ADAMTS19: variants seen among roughly 807,000 people sequenced by gnomAD.
The protein encoded by ADAMTS19 is A disintegrin and metalloproteinase with thrombospondin motifs 19.
ADAMTS19 carries 93 observed loss-of-function variants against 153.3 expected under a neutral mutation model. The ratio of observed to expected loss-of-function variants is 0.61; its 90% CI spans 0.51 to 0.72. The LOEUF is 0.72. ADAMTS19 is among the 30% of genes least tolerant of loss of function. The pLI, the probability that ADAMTS19 is intolerant of heterozygous loss-of-function variation, is 0.00. For synonymous variants in ADAMTS19, 600 were observed against 556.6 expected (o/e 1.08, Z -1.10); for missense variants, 1,482 against 1,552.1 (o/e 0.95, Z 0.76).
intron 8 of ADAMTS19, among the ~76,000 whole-genome samples, chr5:129,611,323 T>C (rs1751203727): frequency 6.6e-6 from 1 of 152,226 alleles, no homozygotes; most frequent in South Asian, 2.1e-4. Flanking sequence ...TTGGCTTTTG[T>C]TACCATTGCT....
intron 2 of ADAMTS19, among the ~76,000 whole-genome samples, chr5:129,475,451 A>G (rs1426896304): frequency 6.6e-6 from 1 of 152,220 alleles, no homozygotes; most frequent in African/African-American, 2.4e-5. Flanking sequence ...CTTCGTGTCA[A>G]TACCATACTG....
chr5:129,517,198 G>A (rs1169195482), intron 3 of ADAMTS19, among the ~76,000 whole-genome samples: 1 of 151,818 alleles, frequency 6.6e-6, no homozygotes, highest in African/African-American at 2.4e-5. Context: ...GTTTTATGAT[G>A]TAGCATATGG....
At chr5:129,656,553 G>A (rs567835202) in intron 14 of ADAMTS19, among the ~76,000 whole-genome samples, 3 of 152,270 alleles carry the variant, frequency 2.0e-5, no homozygotes, top group East Asian at 1.9e-4. Flanking sequence ...TGTTATTTGC[G>A]TATCTCCCGC....
At chr5:129,570,508 G>A (rs1308453671) in intron 7 of ADAMTS19, among the ~76,000 whole-genome samples, 1 of 151,472 alleles carries the variant, frequency 6.6e-6, no homozygotes, top group African/African-American at 2.4e-5. Context: ...AGTTAAAGAA[G>A]TTTCATTGGT....
intron 7 of ADAMTS19, among the ~76,000 whole-genome samples, chr5:129,575,080 AT>A (rs1053635211): frequency 7.9e-5 from 12 of 152,032 alleles, no homozygotes; most frequent in Admixed American, 6.6e-4. Context: ...AATTATAACT[AT>A]TTTCTTTATA....
intron 20 of ADAMTS19, among the ~76,000 whole-genome samples, chr5:129,702,942 ATATATATATATATATATATATATATATAT>A (rs1755970407): frequency 5.0e-5 from 1 of 19,844 alleles, no homozygotes; most frequent in African/African-American, 1.0e-4. Context: ...AAAAAAAAAA[ATATATATATATATATATATATATATATAT>A]ACAAATACAT....
chr5:129,718,764 C>A (rs770656392), intron 21 of ADAMTS19, among the ~76,000 whole-genome samples: 3 of 152,120 alleles, frequency 2.0e-5, no homozygotes, highest in Non-Finnish European at 4.4e-5. Flanking sequence ...ATGCTGTTAA[C>A]CTTGTTACAG....
At chr5:129,660,000 T>C (rs1169905636) in intron 15 of ADAMTS19, among the ~76,000 whole-genome samples, 2 of 152,208 alleles carry the variant, frequency 1.3e-5, no homozygotes, top group Non-Finnish European at 2.9e-5. Context: ...ATGAATTAAT[T>C]TTAATACAAA....
intron 21 of ADAMTS19, among the ~76,000 whole-genome samples, chr5:129,725,937 A>C (rs1314769489): frequency 6.6e-6 from 1 of 152,124 alleles, no homozygotes; most frequent in Non-Finnish European, 1.5e-5. Flanking sequence ...GGTAGATTTA[A>C]TTGATGAATA....
Position 129,720,800 on chromosome 5 carries a change from G to A in ADAMTS19, c.3313-14132G>A, listed in dbSNP as rs186618341. On this transcript the variant is annotated intron_variant, in intron 21 of 22. Coordinates refer to ENST00000274487, the MANE Select transcript of ADAMTS19 (RefSeq NM_133638.6). ...GAATAGCCCATTTATAAAGTGTTTA[G>A]TGAAATGAAGTTGTTCAGAAGTGCC... is the stretch of plus-strand genomic sequence containing the variant. 2.2e-3 allele frequency among the ~76,000 whole-genome samples: 332 copies of A among 152,268 alleles called. 3 individuals carry two copies. The highest frequency in any genetic ancestry group is 7.7e-3 in the African/African-American group (320 of 41,556).
intron 11 of ADAMTS19, among the ~76,000 whole-genome samples, chr5:129,646,567 T>C (rs1385530942): frequency 6.6e-6 from 1 of 152,202 alleles, no homozygotes; most frequent in African/African-American, 2.4e-5. Context: ...ATGATACTTA[T>C]AACTCTATTA....
intron 2 of ADAMTS19, among the ~76,000 whole-genome samples, chr5:129,479,256 G>A (rs1750331169): frequency 1.3e-5 from 2 of 152,080 alleles, no homozygotes; most frequent in African/African-American, 4.8e-5. Flanking sequence ...CCAAGATATG[G>A]GGTAGAAATT....
chr5:129,528,984 A>G (rs927994666), intron 6 of ADAMTS19, among the ~76,000 whole-genome samples: 1 of 152,056 alleles, frequency 6.6e-6, no homozygotes, highest in African/African-American at 2.4e-5. Context: ...GTAAGTTCCA[A>G]ATTATGAACG....
chr5:129,686,323 G>A (rs1561649157), intron 18 of ADAMTS19, among the ~76,000 whole-genome samples: 1 of 152,058 alleles, frequency 6.6e-6, no homozygotes. Flanking sequence ...ATAAAGATAT[G>A]GGGGCTGGAA....
At chr5:129,627,801 G>A (rs1348783034) in intron 10 of ADAMTS19, among the ~76,000 whole-genome samples, 2 of 152,050 alleles carry the variant, frequency 1.3e-5, no homozygotes, top group Admixed American at 1.3e-4. Flanking sequence ...ACAGATGCTG[G>A]TGAGGTTGCA....
At chr5:129,644,935 G>A (rs1400945133) in intron 11 of ADAMTS19, among the ~76,000 whole-genome samples, 3 of 152,130 alleles carry the variant, frequency 2.0e-5, no homozygotes, top group African/African-American at 7.2e-5. Flanking sequence ...CAGTCACAAT[G>A]TGCATATGTA....
At chr5:129,585,207 T>A (rs897485267) in intron 7 of ADAMTS19, among the ~76,000 whole-genome samples, 1 of 151,466 alleles carries the variant, frequency 6.6e-6, no homozygotes, top group African/African-American at 2.4e-5. Context: ...CCGCTTCTGC[T>A]TGCCCTCCGT....
At chr5:129,623,447 T>C (rs1006282729) in intron 10 of ADAMTS19, among the ~76,000 whole-genome samples, 6 of 152,194 alleles carry the variant, frequency 3.9e-5, no homozygotes, top group African/African-American at 1.4e-4. Flanking sequence ...TAAGTATCGC[T>C]GAAACATAGC....
intron 2 of ADAMTS19, among the ~76,000 whole-genome samples, chr5:129,507,683 T>TGTGC (rs1751309832): frequency 6.6e-6 from 1 of 150,626 alleles, no homozygotes; most frequent in African/African-American, 2.5e-5. Context: ...TGTGTGTGTG[T>TGTGC]GCGAGAGCCA....
Sources: gnomAD v4.1 joint callset for allele counts (sites outside exome capture counted in the v4.1 genomes callset) on GRCh38, gnomAD v4.1.1 for gene constraint, MANE v1.5 for transcripts, NCBI Gene and HGNC (gene_info 2026-07-23, HGNC 2026-07-21) for gene names.